Variants in ADAMTS12 observed in about 807,000 individuals in gnomAD.
ADAMTS12 encodes the protein A disintegrin and metalloproteinase with thrombospondin motifs 12.
In ADAMTS12, 118 loss-of-function variants were observed where a neutral mutation model predicts 167.8. The ratio of observed to expected loss-of-function variants is 0.70; its 90% CI spans 0.61 to 0.82. The LOEUF (loss-of-function observed/expected upper bound fraction) is 0.82, where lower values mean the gene tolerates loss of function less well. Ranked by LOEUF, ADAMTS12 falls within the 40% of genes least tolerant of loss-of-function variation. The probability of loss-of-function intolerance (pLI) is 0.00; values close to 1 mark genes in which losing one functional copy is unlikely to be tolerated. For synonymous variants in ADAMTS12, 704 were observed against 716.9 expected, an observed-to-expected ratio of 0.98 and a Z score of 0.29; for missense variants, 1,916 against 1,998.8, an observed-to-expected ratio of 0.96 and a Z score of 0.79.
At chr5:33,728,080 T>C (rs1268930795) in intron 3 of ADAMTS12, among the ~76,000 whole-genome samples, 1 of 152,148 alleles carries the variant, frequency 6.6e-6, no homozygotes, top group Non-Finnish European at 1.5e-5. Context: ...CCCTGGAGTG[T>C]CCCTGAAATG....
chr5:33,658,315 A>G lies in ADAMTS12; in HGVS notation c.1059T>C (p.Gly353=). The change falls in exon 7 of 24, where the codon GGT becomes GGC. Residue 353 remains glycine (G), a synonymous_variant. Coordinates refer to ENST00000504830, the MANE Select transcript of ADAMTS12 (RefSeq NM_030955.4). ...VLLTRKDICA[G]FNRPCETLGL... is the part of the protein sequence containing the mutation. The stretch of plus-strand genomic sequence containing the variant: ...CCAGGGTCTCGCAGGGGCGATTGAA[A>G]CCAGCACAGATGTCCTTTCTGAAAG... 8 of 1,613,588 alleles carry G rather than the reference A, an allele frequency of 5.0e-6. No individual in the cohort carries two copies. The highest frequency in any genetic ancestry group is 5.1e-6 in the Non-Finnish European group (6 of 1,179,616).
intron 3 of ADAMTS12, among the ~76,000 whole-genome samples, chr5:33,720,322 A>G (rs1298387336): frequency 1.4e-5 from 2 of 142,002 alleles, no homozygotes; most frequent in Non-Finnish European, 3.1e-5. Flanking sequence ...ACGATTGCCA[A>G]TTTCAAAAAG....
intron 2 of ADAMTS12, among the ~76,000 whole-genome samples, chr5:33,766,713 T>A (rs1003222914): frequency 2.0e-5 from 3 of 152,306 alleles, no homozygotes; most frequent in Middle Eastern, 3.4e-3. Context: ...CATTCTTTTT[T>A]AATTAGTATT....
chr5:33,728,335 G>A (rs965449333), intron 3 of ADAMTS12, among the ~76,000 whole-genome samples: 3 of 152,186 alleles, frequency 2.0e-5, no homozygotes, highest in African/African-American at 7.2e-5. Context: ...GACACGAAAG[G>A]GATGCTCTGA....
chr5:33,809,403 T>C (rs1747362887), intron 2 of ADAMTS12, among the ~76,000 whole-genome samples: 1 of 152,244 alleles, frequency 6.6e-6, no homozygotes, highest in Non-Finnish European at 1.5e-5. Context: ...GCTTCTATTA[T>C]TGCTAATGAG....
intron 2 of ADAMTS12, among the ~76,000 whole-genome samples, chr5:33,810,515 T>C (rs1207847145): frequency 6.6e-6 from 1 of 152,210 alleles, no homozygotes; most frequent in Non-Finnish European, 1.5e-5. Context: ...ATTGGTCCTA[T>C]TCAATATGTG....
At chr5:33,887,746 A>G (rs1424278918) in intron 1 of ADAMTS12, among the ~76,000 whole-genome samples, 1 of 151,682 alleles carries the variant, frequency 6.6e-6, no homozygotes, top group Non-Finnish European at 1.5e-5. Flanking sequence ...CTCAGTCTAT[A>G]GTAGTTATTC....
At chr5:33,767,906 T>C (rs1294565917) in intron 2 of ADAMTS12, among the ~76,000 whole-genome samples, 2 of 152,112 alleles carry the variant, frequency 1.3e-5, no homozygotes, top group East Asian at 3.9e-4. Context: ...TGAACAAACA[T>C]GTCTTTCAAA....
intron 2 of ADAMTS12, among the ~76,000 whole-genome samples, chr5:33,757,912 T>C (rs1745222504): frequency 6.6e-6 from 1 of 152,200 alleles, no homozygotes; most frequent in South Asian, 2.1e-4. Flanking sequence ...CATAGCATCG[T>C]CTACCGCAAA....
intron 18 of ADAMTS12, among the ~76,000 whole-genome samples, chr5:33,584,103 T>C (rs1490232303): frequency 3.9e-5 from 6 of 152,204 alleles, no homozygotes; most frequent in African/African-American, 9.6e-5. Context: ...CTCCGTGGTT[T>C]AGTGGTTATG....
rs551254637 is a variant in ADAMTS12 at position 33,715,554 on chromosome 5, A to G, written c.635-31499T>C. The stretch of plus-strand genomic sequence containing the variant: ...CTCTGGAATGATAAAGGTTATTGAG[A>G]TGCAATCCTAGATTCTTTACAAACT... On this transcript the variant is annotated intron_variant, in intron 3 of 23. Coordinates refer to ENST00000504830, the MANE Select transcript of ADAMTS12 (RefSeq NM_030955.4). Among the ~76,000 whole-genome samples, 17 of 152,272 alleles carry G rather than the reference A, an allele frequency of 1.1e-4. No homozygotes were observed. The East Asian group carries it at 3.1e-3, about 28-fold the overall frequency.
intron 2 of ADAMTS12, among the ~76,000 whole-genome samples, chr5:33,825,370 T>C (rs1283922848): frequency 1.3e-5 from 2 of 152,202 alleles, no homozygotes; most frequent in Non-Finnish European, 2.9e-5. Flanking sequence ...GAATGTGCTG[T>C]GGGCTCAAAC....
intron 2 of ADAMTS12, among the ~76,000 whole-genome samples, chr5:33,847,217 T>C (rs982892694): frequency 6.6e-6 from 1 of 151,930 alleles, no homozygotes; most frequent in Non-Finnish European, 1.5e-5. Flanking sequence ...CAGAGATATG[T>C]GGATCTTCAC....
At chr5:33,696,358 T>C (rs1226856320) in intron 3 of ADAMTS12, among the ~76,000 whole-genome samples, 1 of 150,034 alleles carries the variant, frequency 6.7e-6, no homozygotes, top group Non-Finnish European at 1.5e-5. Context: ...GAGGCAGAGC[T>C]TGCAGTGAGC....
intron 3 of ADAMTS12, among the ~76,000 whole-genome samples, chr5:33,711,512 C>T (rs1743403576): frequency 1.3e-5 from 2 of 152,086 alleles, no homozygotes; most frequent in South Asian, 4.1e-4. Context: ...ACACACAGCA[C>T]AAACAGATTT....
intron 2 of ADAMTS12, among the ~76,000 whole-genome samples, chr5:33,798,063 T>C (rs1483448179): frequency 6.6e-6 from 1 of 152,212 alleles, no homozygotes; most frequent in African/African-American, 2.4e-5. Context: ...GAACTGACTA[T>C]CCTTCTCGTT....
At chr5:33,808,399 G>A (rs1435184422) in intron 2 of ADAMTS12, among the ~76,000 whole-genome samples, 1 of 151,990 alleles carries the variant, frequency 6.6e-6, no homozygotes, top group Non-Finnish European at 1.5e-5. Flanking sequence ...GTGGAACACA[G>A]GCATCAGTAA....
intron 2 of ADAMTS12, among the ~76,000 whole-genome samples, chr5:33,757,700 T>C (rs1745216865): frequency 6.6e-6 from 1 of 152,306 alleles, no homozygotes; most frequent in South Asian, 2.1e-4. Context: ...ACGTATGATA[T>C]GGTTGAATAG....
At chr5:33,755,952 T>C (rs1050616197) in intron 2 of ADAMTS12, among the ~76,000 whole-genome samples, 7 of 152,310 alleles carry the variant, frequency 4.6e-5, no homozygotes, top group African/African-American at 1.7e-4. Context: ...ACATCACCTG[T>C]TCCCCATCAT....
Sources: allele counts gnomAD v4.1 joint callset (sites outside exome capture counted in the v4.1 genomes callset), GRCh38; gene constraint gnomAD v4.1.1; transcripts MANE v1.5; gene names NCBI Gene and HGNC (gene_info 2026-07-23, HGNC 2026-07-21).